Variants in FRYL observed in about 807,000 individuals in gnomAD.
The protein encoded by FRYL is FRY like transcription coactivator.
In FRYL, 150 loss-of-function variants were observed where a neutral mutation model predicts 351.2. The observed-to-expected ratio is 0.43, with a 90% CI of 0.37 to 0.49. The LOEUF (loss-of-function observed/expected upper bound fraction) is 0.49. Ranked by LOEUF, FRYL falls within the 20% of genes least tolerant of loss-of-function variation. FRYL has a pLI of 0.00. For synonymous variants in FRYL, 1,153 were observed against 1,257.1 expected (o/e 0.92, Z 1.75); for missense variants, 3,036 against 3,619.3 (o/e 0.84, Z 4.13).
At chr4:48,710,058 C>CTTCCAA (rs946755876) in intron 2 of FRYL, among the ~76,000 whole-genome samples, 1 of 152,040 alleles carries the variant, frequency 6.6e-6, no homozygotes, top group Non-Finnish European at 1.5e-5. Flanking sequence ...GACATCTATG[C>CTTCCAA]TTCCAAAAAA....
intron 3 of FRYL, among the ~76,000 whole-genome samples, chr4:48,657,156 C>T (rs1759384648): frequency 6.6e-6 from 1 of 151,912 alleles, no homozygotes; most frequent in South Asian, 2.1e-4. Flanking sequence ...TTTCTCAATC[C>T]TTTGATTACT....
At chr4:48,510,683 T>C (rs1231555748) in intron 58 of FRYL, 152 bp downstream of exon 58, 1 of 662,852 alleles carries the variant, frequency 1.5e-6, no homozygotes, top group Admixed American at 3.1e-5. Flanking sequence ...CTGCACCTAA[T>C]ATACTAGAAT....
chr4:48,528,391 C>CCCTT, intron 50 of FRYL, 55 bp from the exon 51 acceptor site: 1 of 1,449,576 alleles, frequency 6.9e-7, no homozygotes, highest in African/African-American at 1.4e-5. Context: ...ATAAAAGAAA[C>CCCTT]TTAAAAGGGT....
chr4:48,548,606 A>G (rs1348114673), intron 40 of FRYL, 84 bp downstream of exon 40: 9 of 750,424 alleles, frequency 1.2e-5, no homozygotes, highest in Non-Finnish European at 2.0e-5. Flanking sequence ...AAACAGAAAC[A>G]CATAAAAACT....
intron 1 of FRYL, among the ~76,000 whole-genome samples, chr4:48,714,092 T>C (rs969455742): frequency 6.6e-6 from 1 of 152,060 alleles, no homozygotes; most frequent in East Asian, 1.9e-4. Flanking sequence ...AGACACAACA[T>C]ACCAGAATCT....
At position 48,603,532 on chromosome 4, in the gene FRYL, C is replaced by T. The variant is rs1458774536; in HGVS notation, c.835-144G>A. 4 of 631,308 alleles carry T rather than the reference C, an allele frequency of 6.3e-6. No homozygotes were observed. In the East Asian group the frequency reaches 8.3e-5, roughly 13 times the overall value. 39.1% of individuals were successfully genotyped at this position (631,308 alleles called of 1,614,324 possible). A position where few individuals can be genotyped will look rare whatever the true frequency, so the allele number is the denominator to read the frequency against. ...TGAAGTACTACAATGTGCCAAGTGA[C>T]CAAATGTTAAGTACATAAGATAAAC... On this transcript the variant is annotated intron_variant, in intron 11 of 63. Coordinates refer to ENST00000358350, the MANE Select transcript of FRYL (RefSeq NM_015030.2).
At chr4:48,709,780 A>G (rs1767801148) in intron 2 of FRYL, among the ~76,000 whole-genome samples, 1 of 152,208 alleles carries the variant, frequency 6.6e-6, no homozygotes, top group Non-Finnish European at 1.5e-5. Flanking sequence ...AACTAGAGCT[A>G]AAATGTACCC....
At chr4:48,588,604 T>C (rs532602609) in intron 18 of FRYL, among the ~76,000 whole-genome samples, 2 of 152,200 alleles carry the variant, frequency 1.3e-5, no homozygotes, top group East Asian at 3.9e-4. Flanking sequence ...TTGCTTTCAA[T>C]CCACCAATTA....
chr4:48,688,429 G>C (rs1160458312), intron 2 of FRYL, among the ~76,000 whole-genome samples: 1 of 152,028 alleles, frequency 6.6e-6, no homozygotes, highest in African/African-American at 2.4e-5. Context: ...ATAATCAAGC[G>C]CAGGCAGCAA....
At chr4:48,731,823 TA>T (rs1375591543) in intron 1 of FRYL, among the ~76,000 whole-genome samples, 1 of 152,062 alleles carries the variant, frequency 6.6e-6, no homozygotes, top group African/African-American at 2.4e-5. Context: ...CCTAGGACCA[TA>T]AAAATCCTAG....
chr4:48,682,069 AC>A (rs1457590442), intron 3 of FRYL, among the ~76,000 whole-genome samples: 1 of 152,202 alleles, frequency 6.6e-6, no homozygotes, highest in Non-Finnish European at 1.5e-5. Context: ...CACAAAGGTA[AC>A]AGGGTAAAAC....
chr4:48,759,661 G>A (rs1236752599), intron 1 of FRYL, among the ~76,000 whole-genome samples: 1 of 152,110 alleles, frequency 6.6e-6, no homozygotes, highest in African/African-American at 2.4e-5. Context: ...TGTTGCCCAG[G>A]CTGGTCTCAA....
chr4:48,774,992 CAT>C (rs1042614822), intron 1 of FRYL, among the ~76,000 whole-genome samples: 1 of 152,216 alleles, frequency 6.6e-6, no homozygotes, highest in African/African-American at 2.4e-5. Context: ...CATGTAGTCT[CAT>C]AATGATATTC....
chr4:48,635,423 A>G (rs925208736), intron 3 of FRYL, among the ~76,000 whole-genome samples: 1 of 152,194 alleles, frequency 6.6e-6, no homozygotes, highest in Non-Finnish European at 1.5e-5. Flanking sequence ...GACTTGTCAT[A>G]TATTAGTGGA....
chr4:48,692,154 A>C (rs1765732281), intron 2 of FRYL, among the ~76,000 whole-genome samples: 1 of 152,240 alleles, frequency 6.6e-6, no homozygotes, highest in South Asian at 2.1e-4. Context: ...GATTGTATTT[A>C]GCCCTGAGTT....
In FRYL at chr4:48,499,596, C is replaced by T. The variant is rs184250541; in HGVS notation, c.8868G>A (p.Thr2956=). The change falls in exon 64 of 64, where the codon ACG becomes ACA. Residue 2956 remains threonine, a synonymous_variant. Transcript: ENST00000358350. ...CTGCAAAGCTTCCTGTCTGGCCCAG[C>T]GTCTGATGATGGAAATATATATGTA... is the stretch of plus-strand genomic sequence containing the variant. ...TLLHIYFHHQ[T]LGQTGSFAVI... 2,040 of 1,614,030 alleles carry T rather than the reference C, an allele frequency of 1.3e-3. 7 individuals carry two copies. The highest frequency in any genetic ancestry group is 1.5e-3 in the Non-Finnish European group (1,814 of 1,179,932).
At chr4:48,588,329 T>C (rs1742563927) in intron 18 of FRYL, among the ~76,000 whole-genome samples, 1 of 152,238 alleles carries the variant, frequency 6.6e-6, no homozygotes, top group South Asian at 2.1e-4. Context: ...TAAATATAAG[T>C]TTGACTTTCT....
rs753847450 is a variant in FRYL, at chr4:48,515,120, G to C, written c.7845C>G (p.Pro2615=). 3 of 1,613,668 alleles carry C rather than the reference G, an allele frequency of 1.9e-6. No homozygotes were observed. The African/African-American group carries it at 4.0e-5, about 22-fold the overall frequency. Residue 2615 remains proline (P), a synonymous_variant, in exon 56 of 64, where the codon CCC becomes CCG. Transcript: ENST00000358350. ...TAACATCCTCTTCACAGACTGACTCGGGGTAACTTTCAGGAGCTAGAGGCT... is the reference window on the plus strand; with the variant it reads ...TAACATCCTCTTCACAGACTGACTCCGGGTAACTTTCAGGAGCTAGAGGCT... The part of the protein sequence containing the change: ...MPEPLAPESY[P]ESVCEEDVTL...
intron 3 of FRYL, among the ~76,000 whole-genome samples, chr4:48,671,858 CAA>C (rs1226492542): frequency 1.8e-4 from 4 of 22,400 alleles, no homozygotes; most frequent in East Asian, 1.9e-3. Flanking sequence ...GTCTCAAAAA[CAA>C]AAAAAAAAAA....
Sources: allele counts gnomAD v4.1 joint callset (sites outside exome capture counted in the v4.1 genomes callset), GRCh38; gene constraint gnomAD v4.1.1; transcripts MANE v1.5; gene names NCBI Gene and HGNC (gene_info 2026-07-23, HGNC 2026-07-21).